Variants in IFT88 observed in about 807,000 individuals in gnomAD.
The protein encoded by IFT88 is intraflagellar transport 88.
IFT88 carries 74 observed loss-of-function variants against 119.5 expected under a neutral mutation model. That is an observed-to-expected ratio of 0.62 (90% CI 0.51 to 0.75). The LOEUF is 0.75. Ranked by LOEUF, IFT88 falls within the 30% of genes least tolerant of loss-of-function variation. The pLI, the probability that IFT88 is intolerant of heterozygous loss-of-function variation, is 0.00. For missense variants in IFT88, 961 were observed against 977.7 expected, an observed-to-expected ratio of 0.98 and a Z score of 0.23; for synonymous variants, 279 against 316.7, an observed-to-expected ratio of 0.88 and a Z score of 1.26.
intron 2 of IFT88, among the ~76,000 whole-genome samples, chr13:20,578,572 A>G (rs530625452): frequency 2.1e-4 from 32 of 151,614 alleles, no homozygotes; most frequent in African/African-American, 7.7e-4. Flanking sequence ...TGTTTGAGAC[A>G]GAGTCTCGCT....
chr13:20,666,697 A>G (rs529291641), intron 23 of IFT88, among the ~76,000 whole-genome samples: 2 of 152,276 alleles, frequency 1.3e-5, no homozygotes, highest in East Asian at 3.9e-4. Context: ...TGGGAATGAC[A>G]TAATATTTTT....
At chr13:20,670,892 A>C in intron 23 of IFT88, 81 bp from the exon 24 acceptor site, 1 of 1,227,234 alleles carries the variant, frequency 8.1e-7, no homozygotes, top group Non-Finnish European at 1.2e-6. Context: ...AGTAATGTTA[A>C]TTTTAAAATC....
At chr13:20,598,549 A>C in intron 9 of IFT88, 102 bp from the exon 10 acceptor site, 1 of 595,720 alleles carries the variant, frequency 1.7e-6, no homozygotes, top group Non-Finnish European at 3.0e-6. Context: ...TCTTGATATA[A>C]GTAGCTAACT....
rs373927292 is a variant in IFT88 at position 20,625,734 on chromosome 13, A to G, written c.1200-16A>G. The stretch of plus-strand genomic sequence containing the variant: ...AAAACAAAATCAAGTAAGGTTTTTT[A>G]TGCTTTCCCTTATAGGTGCGTGGAA... On this transcript the variant is annotated splice_polypyrimidine_tract_variant and intron_variant, in intron 14 of 25. Coordinates refer to ENST00000351808, the MANE Select transcript of IFT88 (RefSeq NM_006531.5). The G allele has an allele frequency of 1.1e-4, 169 of 1,545,096 alleles. 1 individual carries two copies. In the African/African-American group the frequency reaches 2.1e-3, roughly 19 times the overall value.
intron 7 of IFT88, among the ~76,000 whole-genome samples, chr13:20,593,778 G>C (rs1442580428): frequency 6.6e-6 from 1 of 152,076 alleles, no homozygotes; most frequent in African/African-American, 2.4e-5. Context: ...GGCCGGGCGT[G>C]GTGGCTCATG....
intron 1 of IFT88, 112 bp downstream of exon 1, chr13:20,567,368 C>G (rs938723201): frequency 7.9e-5 from 12 of 152,372 alleles, no homozygotes; most frequent in East Asian, 7.7e-4. Flanking sequence ...TCCTGCCCGC[C>G]CCTGTCGGCC....
chr13:20,585,861 C>T (rs2039570678), intron 3 of IFT88, among the ~76,000 whole-genome samples: 1 of 152,190 alleles, frequency 6.6e-6, no homozygotes, highest in Non-Finnish European at 1.5e-5. Flanking sequence ...TTTGAAGTTA[C>T]CTTCATTACG....
chr13:20,645,897 C>A (rs182062402), intron 20 of IFT88, among the ~76,000 whole-genome samples: 69 of 152,190 alleles, frequency 4.5e-4, no homozygotes, highest in African/African-American at 1.6e-3. Context: ...ACATAAATTT[C>A]TTTTGAGAAT....
chr13:20,592,699 A>G (rs919677566), intron 7 of IFT88, among the ~76,000 whole-genome samples: 1 of 152,110 alleles, frequency 6.6e-6, no homozygotes, highest in Non-Finnish European at 1.5e-5. Context: ...CGAACTCCCA[A>G]TCTCAAATGA....
At chr13:20,626,510 C>T (rs1470715704) in intron 15 of IFT88, among the ~76,000 whole-genome samples, 3 of 152,182 alleles carry the variant, frequency 2.0e-5, no homozygotes, top group Non-Finnish European at 4.4e-5. Flanking sequence ...TGCTAGGGAG[C>T]ATGGGAAGCC....
Position 20,691,093 on chromosome 13 carries a change from G to A in IFT88, c.2393G>A (p.Arg798Gln), listed in dbSNP as rs148569265. 5.6e-5 allele frequency: 91 copies of A among 1,613,710 alleles called. No homozygotes were observed. Among genetic ancestry groups the A allele is most frequent in the Admixed American group, 1.0e-4 (6 of 59,970 alleles). Reference sequence around the variant, plus strand: ...GACCCACTTGGCCCTCAAATAGAACGACCAAAAACTGCAGCCAAGAAAAGG... The same window carrying A: ...GACCCACTTGGCCCTCAAATAGAACAACCAAAAACTGCAGCCAAGAAAAGG... The part of the protein sequence containing the change: ...YVDPLGPQIE[R>Q]PKTAAKKRID... The change falls in exon 26 of 26, where the codon CGA (arginine) becomes CAA (glutamine). Residue 798 changes from arginine (R) to glutamine (Q), a missense_variant. By Grantham distance (43) the Arg-to-Gln change is conservative. Coordinates refer to ENST00000351808, the MANE Select transcript of IFT88 (RefSeq NM_006531.5).
intron 21 of IFT88, among the ~76,000 whole-genome samples, chr13:20,655,232 GACC>G (rs1352985627): frequency 6.6e-6 from 1 of 152,014 alleles, no homozygotes; most frequent in Non-Finnish European, 1.5e-5. Context: ...AAGAGATCGA[GACC>G]ATCCTGGCCA....
intron 17 of IFT88, among the ~76,000 whole-genome samples, chr13:20,638,969 T>C (rs572474611): frequency 1.2e-4 from 18 of 152,312 alleles, no homozygotes; most frequent in African/African-American, 4.3e-4. Flanking sequence ...CATTTTGCCA[T>C]CTTTACTTCA....
intron 1 of IFT88, among the ~76,000 whole-genome samples, chr13:20,574,094 A>C (rs1298612033): frequency 6.6e-6 from 1 of 152,214 alleles, no homozygotes; most frequent in Non-Finnish European, 1.5e-5. Flanking sequence ...TGGGAGGCCA[A>C]AGTGAGAGGA....
At chr13:20,579,006 A>G (rs561777940) in intron 2 of IFT88, among the ~76,000 whole-genome samples, 1 of 151,850 alleles carries the variant, frequency 6.6e-6, no homozygotes, top group African/African-American at 2.4e-5. Flanking sequence ...GATCTTTTGT[A>G]TTGTTGTCTT....
At chr13:20,646,149 A>G (rs1344551732) in intron 20 of IFT88, among the ~76,000 whole-genome samples, 11 of 152,104 alleles carry the variant, frequency 7.2e-5, no homozygotes, top group Non-Finnish European at 1.6e-4. Context: ...TACCTAGTCT[A>G]GCTTATATTC....
chr13:20,624,129 C>T (rs1191553690), intron 14 of IFT88, among the ~76,000 whole-genome samples: 1 of 152,044 alleles, frequency 6.6e-6, no homozygotes, highest in Non-Finnish European at 1.5e-5. Flanking sequence ...GTACGCAATC[C>T]AAATGGACTT....
chr13:20,629,732 A>G (rs1449040335), intron 15 of IFT88, among the ~76,000 whole-genome samples: 1 of 152,210 alleles, frequency 6.6e-6, no homozygotes, highest in Non-Finnish European at 1.5e-5. Context: ...GAGATTTGCA[A>G]CAACTGTAGC....
chr13:20,650,105 G>T (rs1291485769), intron 20 of IFT88, among the ~76,000 whole-genome samples: 1 of 151,962 alleles, frequency 6.6e-6, no homozygotes, highest in African/African-American at 2.4e-5. Flanking sequence ...TGAAGAGAAG[G>T]TAAACACTTC....
Sources: allele counts gnomAD v4.1 joint callset (sites outside exome capture counted in the v4.1 genomes callset), GRCh38; gene constraint gnomAD v4.1.1; transcripts MANE v1.5; gene names NCBI Gene and HGNC (gene_info 2026-07-23, HGNC 2026-07-21).